The following UGT1A8 variants were observed in gnomAD, a reference collection of about 807,000 sequenced individuals.
The protein encoded by UGT1A8 is UDP-glucuronosyltransferase 1A8.
In UGT1A8, 39 loss-of-function variants were observed where a neutral mutation model predicts 45.3. The ratio of observed to expected loss-of-function variants is 0.86; its 90% confidence interval spans 0.67 to 1.12. The LOEUF (loss-of-function observed/expected upper bound fraction) is 1.12. UGT1A8 is among the 50% of genes most tolerant of loss of function. UGT1A8 has a pLI of 0.00. For missense variants in UGT1A8, 719 were observed against 664.9 expected (o/e 1.08, Z -0.90); for synonymous variants, 275 against 249.2 (o/e 1.10, Z -0.97).
intron 1 of UGT1A8, chr2:233,754,965 T>A (rs1303021739): frequency 7.7e-7 from 1 of 1,306,100 alleles, no homozygotes; most frequent in East Asian, 4.6e-5. Flanking sequence ...GCCAAAGAAC[T>A]CCCTGAAGAC....
intron 1 of UGT1A8, among the ~76,000 whole-genome samples, chr2:233,707,402 T>TTC (rs2075960068): frequency 6.6e-6 from 1 of 152,208 alleles, no homozygotes; most frequent in Non-Finnish European, 1.5e-5. Context: ...CTTTTTGATG[T>TTC]TCTCTCTCCC....
intron 1 of UGT1A8, among the ~76,000 whole-genome samples, chr2:233,694,463 G>A (rs1428276750): frequency 6.6e-6 from 1 of 152,180 alleles, no homozygotes; most frequent in African/African-American, 2.4e-5. Flanking sequence ...TTCAGCAAAA[G>A]GGGTATGGCC....
intron 1 of UGT1A8, among the ~76,000 whole-genome samples, chr2:233,708,286 T>A (rs2125610813): frequency 6.6e-6 from 1 of 152,362 alleles, no homozygotes; most frequent in South Asian, 2.1e-4. Flanking sequence ...TATCATCAAA[T>A]GCTTTCAGTT....
intron 1 of UGT1A8, chr2:233,691,193 C>T: frequency 1.0e-6 from 1 of 985,666 alleles, no homozygotes; most frequent in Non-Finnish European, 1.2e-6. Flanking sequence ...GAAGGTGGAC[C>T]TGAGCTCTGT....
At chr2:233,634,081 A>G (rs926471222) in intron 1 of UGT1A8, among the ~76,000 whole-genome samples, 3 of 152,206 alleles carry the variant, frequency 2.0e-5, no homozygotes, top group African/African-American at 7.2e-5. Flanking sequence ...GTAGTAATGC[A>G]TGAGCAGGTT....
intron 1 of UGT1A8, chr2:233,636,474 A>T (rs968912826): frequency 6.3e-7 from 1 of 1,581,354 alleles, no homozygotes; most frequent in African/African-American, 1.3e-5. Context: ...CGCCTACTGT[A>T]TCATAGCAGC....
intron 1 of UGT1A8, chr2:233,754,336 T>A: frequency 4.0e-6 from 1 of 251,592 alleles, no homozygotes; most frequent in Non-Finnish European, 7.8e-6. Context: ...TTAAGTTTAA[T>A]AAATAGCAAA....
intron 1 of UGT1A8, chr2:233,690,722 A>G (rs2075004731): frequency 1.6e-6 from 2 of 1,215,054 alleles, no homozygotes; most frequent in Non-Finnish European, 2.1e-6. Flanking sequence ...TGACGAACAG[A>G]CATGCCAGAT....
intron 1 of UGT1A8, among the ~76,000 whole-genome samples, chr2:233,641,828 C>T (rs2073461032): frequency 6.6e-6 from 1 of 151,798 alleles, no homozygotes; most frequent in Non-Finnish European, 1.5e-5. Flanking sequence ...ATATGTCATG[C>T]CACTCTCTCC....
At chr2:233,742,815 T>C (rs1692108353) in intron 1 of UGT1A8, 1 of 153,808 alleles carries the variant, frequency 6.5e-6, no homozygotes. Flanking sequence ...ATTGATATTA[T>C]TTGTAGATTT....
chr2:233,625,940 G>C (rs968846456), intron 1 of UGT1A8, among the ~76,000 whole-genome samples: 3 of 151,946 alleles, frequency 2.0e-5, no homozygotes, highest in African/African-American at 7.2e-5. Flanking sequence ...TAAAAGTTGA[G>C]TATGTATAAG....
chr2:233,689,246 T>C (rs2074933289), intron 1 of UGT1A8, among the ~76,000 whole-genome samples: 1 of 152,204 alleles, frequency 6.6e-6, no homozygotes, highest in African/African-American at 2.4e-5. Flanking sequence ...CTGTGAGTGA[T>C]TCAGACTTGA....
chr2:233,705,149 AG>A (rs1246155898), intron 1 of UGT1A8, among the ~76,000 whole-genome samples: 3 of 145,754 alleles, frequency 2.1e-5, no homozygotes, highest in African/African-American at 5.2e-5. Context: ...AAAAAAAAAA[AG>A]AGAGAGAGAG....
intron 4 of UGT1A8, among the ~76,000 whole-genome samples, chr2:233,768,962 ATAATT>A (rs753324015): frequency 2.0e-5 from 3 of 152,200 alleles, no homozygotes; most frequent in Non-Finnish European, 4.4e-5. Flanking sequence ...AATTTATCAT[ATAATT>A]TATTTAGAAT....
chr2:233,684,327 C>T (rs1050842248), intron 1 of UGT1A8, among the ~76,000 whole-genome samples: 10 of 152,156 alleles, frequency 6.6e-5, no homozygotes, highest in Admixed American at 3.9e-4. Context: ...AGTTGTAGGA[C>T]GCTAAGAGGA....
chr2:233,772,325 C>A lies in UGT1A8; in HGVS notation c.1359C>A (p.Asp453Glu). 6.2e-7 allele frequency: 1 copy of A among 1,614,136 alleles called. No homozygotes were observed. Among genetic ancestry groups the A allele is most frequent in the Non-Finnish European group, 8.5e-7 (1 of 1,180,020 alleles). ...AGGACCGCCCGGTGGAGCCGCTGGACCTGGCCGTGTTCTGGGTGGAGTTTG... is the reference window on the plus strand; with the variant it reads ...AGGACCGCCCGGTGGAGCCGCTGGAACTGGCCGTGTTCTGGGTGGAGTTTG... ...LHKDRPVEPL[D>E]LAVFWVEFVM... is the part of the protein sequence containing the mutation. Residue 453 changes from aspartate (D) to glutamate (E), a missense_variant, in exon 5 of 5, where the codon GAC (aspartate) becomes GAA (glutamate). Coordinates refer to ENST00000373450, the MANE Select transcript of UGT1A8 (RefSeq NM_019076.5).
At chr2:233,672,227 G>T in intron 1 of UGT1A8, 1 of 1,614,016 alleles carries the variant, frequency 6.2e-7, no homozygotes. Context: ...CATGCTCAAT[G>T]GAAAGCACAA....
intron 1 of UGT1A8, among the ~76,000 whole-genome samples, chr2:233,761,626 A>C (rs1697818460): frequency 6.6e-6 from 1 of 152,238 alleles, no homozygotes; most frequent in Non-Finnish European, 1.5e-5. Flanking sequence ...TAAGAAGCTA[A>C]ATCCTGCAGT....
chr2:233,717,184 T>G (rs1236730642), intron 1 of UGT1A8, among the ~76,000 whole-genome samples: 1 of 152,144 alleles, frequency 6.6e-6, no homozygotes. Context: ...AAGAGCACCC[T>G]CCCAGGCATG....
Sources: gnomAD v4.1 joint callset for allele counts (sites outside exome capture counted in the v4.1 genomes callset) on GRCh38, gnomAD v4.1.1 for gene constraint, MANE v1.5 for transcripts, NCBI Gene and HGNC (gene_info 2026-07-23, HGNC 2026-07-21) for gene names.